The following PDZRN3 variants were observed in gnomAD, a reference collection of about 807,000 sequenced individuals.
PDZRN3 encodes the protein E3 ubiquitin-protein ligase PDZRN3.
A neutral mutation model predicts 85.7 loss-of-function variants in PDZRN3; 38 were observed. That is an observed-to-expected ratio of 0.44 (90% CI 0.34 to 0.58). PDZRN3 has a LOEUF of 0.58. Among genes scored for constraint, PDZRN3 ranks in the 20% least tolerant of loss-of-function variants. The pLI is 0.01. For missense variants in PDZRN3, 1,629 were observed against 1,506.4 expected, an observed-to-expected ratio of 1.08 and a Z score of -1.35; for synonymous variants, 759 against 638.0, an observed-to-expected ratio of 1.19 and a Z score of -2.86.
intron 8 of PDZRN3, among the ~76,000 whole-genome samples, chr3:73,386,967 T>C (rs1701408143): frequency 6.6e-6 from 1 of 152,204 alleles, no homozygotes; most frequent in South Asian, 2.1e-4. Flanking sequence ...AGGGACCTCG[T>C]GGGAGATAAT....
chr3:73,384,678 A>G lies in PDZRN3; in HGVS notation c.1888T>C (p.Cys630Arg). ...ATCCCCAGGTAGTCGGCGTCCGTGCAGTCGGCCGAAATGAAAGACTCGTTG... is the reference window on the plus strand; with the variant it reads ...ATCCCCAGGTAGTCGGCGTCCGTGCGGTCGGCCGAAATGAAAGACTCGTTG... Reference protein sequence around the residue: ...FSNESFISADCTDADYLGIPV... With the variant: ...FSNESFISADRTDADYLGIPV... The change falls in exon 10 of 10, where the codon TGC (cysteine) becomes CGC (arginine). Residue 630 changes from cysteine to arginine, a missense_variant. Transcript: ENST00000263666. 1 of 1,614,014 alleles carries G rather than the reference A, an allele frequency of 6.2e-7. No individual in the cohort carries two copies. The highest frequency in any genetic ancestry group is 8.5e-7 in the Non-Finnish European group (1 of 1,180,030).
At chr3:73,542,379 TG>T (rs1358990880) in intron 3 of PDZRN3, among the ~76,000 whole-genome samples, 1 of 152,176 alleles carries the variant, frequency 6.6e-6, no homozygotes, top group Non-Finnish European at 1.5e-5. Flanking sequence ...CCAACAACAT[TG>T]TCTCAGTGGA....
chr3:73,460,010 C>CA (rs1464645997), intron 3 of PDZRN3, among the ~76,000 whole-genome samples: 7 of 152,172 alleles, frequency 4.6e-5, no homozygotes, highest in Non-Finnish European at 7.3e-5. Context: ...TGGAAGATGA[C>CA]AGAATCTGTT....
intron 3 of PDZRN3, among the ~76,000 whole-genome samples, chr3:73,520,503 G>A (rs903170246): frequency 1.3e-5 from 2 of 152,092 alleles, no homozygotes; most frequent in Non-Finnish European, 2.9e-5. Flanking sequence ...AAGACCCTGT[G>A]ACAACGACAA....
chr3:73,453,491 C>T (rs1702916215), intron 3 of PDZRN3, among the ~76,000 whole-genome samples: 1 of 150,862 alleles, frequency 6.6e-6, no homozygotes, highest in Non-Finnish European at 1.5e-5. Context: ...CAGAAATGGC[C>T]TTACTTTCCA....
chr3:73,623,996 G>C (rs1014564397), intron 1 of PDZRN3, 107 bp downstream of exon 1: 4 of 1,117,562 alleles, frequency 3.6e-6, no homozygotes, highest in Non-Finnish European at 4.7e-6. Context: ...GAGGAAGCAA[G>C]GATGTTCCCG....
intron 3 of PDZRN3, among the ~76,000 whole-genome samples, chr3:73,567,405 A>G (rs1354321481): frequency 6.6e-6 from 1 of 152,242 alleles, no homozygotes; most frequent in Non-Finnish European, 1.5e-5. Flanking sequence ...AATGCCAGGT[A>G]CATTATTAGA....
intron 3 of PDZRN3, among the ~76,000 whole-genome samples, chr3:73,574,440 CT>C (rs558629689): frequency 7.5e-5 from 3 of 40,062 alleles, no homozygotes; most frequent in Middle Eastern, 0.019. Flanking sequence ...GGAAGAAGCA[CT>C]TTTTTTTGGC....
At chr3:73,516,566 C>A (rs902675436) in intron 3 of PDZRN3, among the ~76,000 whole-genome samples, 2 of 152,188 alleles carry the variant, frequency 1.3e-5, no homozygotes, top group African/African-American at 4.8e-5. Flanking sequence ...AGCCCTTCAT[C>A]TCCTCTTGCT....
At position 73,624,892 on chromosome 3, in the gene PDZRN3, C is replaced by G. The variant is rs1470219824; in HGVS notation, c.-67G>C. The G allele has an allele frequency of 8.3e-7, 1 of 1,211,294 alleles. No individual in the cohort carries two copies. The highest frequency in any genetic ancestry group is 1.6e-5 in the African/African-American group (1 of 63,234). The allele number at this position is 1,211,294 out of a possible 1,614,324, so 75.0% of individuals were successfully genotyped here. A position where few individuals can be genotyped will look rare whatever the true frequency, so the allele number is the denominator to read the frequency against. On this transcript the variant is annotated 5_prime_UTR_variant, in exon 1 of 10. Transcript: ENST00000263666. ...GCCCCCTCCCTCCCCACGAGGCGGC[C>G]CAGACAGGCCGGCTACGCCGCCCGC...
At chr3:73,498,044 G>T (rs540613225) in intron 3 of PDZRN3, among the ~76,000 whole-genome samples, 1 of 152,302 alleles carries the variant, frequency 6.6e-6, no homozygotes, top group Non-Finnish European at 1.5e-5. Flanking sequence ...GCAGAGATCT[G>T]TTATATCTGA....
intron 3 of PDZRN3, among the ~76,000 whole-genome samples, chr3:73,587,537 A>G (rs375973012): frequency 1.3e-5 from 2 of 152,252 alleles, no homozygotes; most frequent in African/African-American, 4.8e-5. Context: ...AAAACAAACA[A>G]AAGTTTGTTT....
intron 8 of PDZRN3, among the ~76,000 whole-genome samples, chr3:73,386,382 A>G (rs1476263401): frequency 1.3e-5 from 2 of 151,856 alleles, no homozygotes; most frequent in African/African-American, 4.8e-5. Context: ...TTTTTAGTAG[A>G]GATTGGGTTT....
intron 1 of PDZRN3, among the ~76,000 whole-genome samples, chr3:73,622,447 A>G (rs1702882364): frequency 6.6e-6 from 1 of 152,238 alleles, no homozygotes; most frequent in Non-Finnish European, 1.5e-5. Context: ...GAGCGGTGGC[A>G]GCAGGCCCAG....
intron 3 of PDZRN3, among the ~76,000 whole-genome samples, chr3:73,593,752 A>T (rs1702394873): frequency 7.0e-6 from 1 of 142,088 alleles, no homozygotes; most frequent in South Asian, 2.4e-4. Context: ...ACACACACAC[A>T]CTTTGGAGAA....
intron 3 of PDZRN3, among the ~76,000 whole-genome samples, chr3:73,526,027 C>T (rs1419905345): frequency 6.6e-6 from 1 of 152,136 alleles, no homozygotes; most frequent in Non-Finnish European, 1.5e-5. Flanking sequence ...TTGTCGGCTC[C>T]CAATCTCAGC....
At chr3:73,593,613 A>G (rs1164851529) in intron 3 of PDZRN3, among the ~76,000 whole-genome samples, 6 of 152,084 alleles carry the variant, frequency 3.9e-5, no homozygotes, top group African/African-American at 7.2e-5. Context: ...TTTTAAAAGG[A>G]AATACATAAG....
At chr3:73,399,200 T>G (rs950109494) in intron 5 of PDZRN3, among the ~76,000 whole-genome samples, 20 of 152,212 alleles carry the variant, frequency 1.3e-4, no homozygotes, top group African/African-American at 4.8e-4. Flanking sequence ...TCTCTACTAC[T>G]TCATAACTCT....
chr3:73,397,474 G>C (rs1471568250), intron 5 of PDZRN3, among the ~76,000 whole-genome samples: 1 of 152,196 alleles, frequency 6.6e-6, no homozygotes, highest in Non-Finnish European at 1.5e-5. Flanking sequence ...GTAGAAGCAG[G>C]GATGACAGGC....
Sources: allele counts gnomAD v4.1 joint callset (sites outside exome capture counted in the v4.1 genomes callset), GRCh38; gene constraint gnomAD v4.1.1; transcripts MANE v1.5; gene names NCBI Gene and HGNC (gene_info 2026-07-23, HGNC 2026-07-21).